GPC6: variants seen among roughly 807,000 people sequenced by gnomAD.
The protein encoded by GPC6 is glypican-6.
In GPC6, 14 loss-of-function variants were observed where a neutral mutation model predicts 55.2. The observed-to-expected ratio is 0.25, with a 90% CI of 0.17 to 0.40. The LOEUF is 0.40. Among genes scored for constraint, GPC6 ranks in the 10% least tolerant of loss-of-function variants. The pLI is 1.00. For synonymous variants in GPC6, 278 were observed against 259.6 expected, an observed-to-expected ratio of 1.07 and a Z score of -0.68; for missense variants, 641 against 708.5, an observed-to-expected ratio of 0.90 and a Z score of 1.08.
intron 1 of GPC6, among the ~76,000 whole-genome samples, chr13:93,539,628 C>A (rs1169502064): frequency 1.3e-5 from 2 of 151,310 alleles, no homozygotes; most frequent in African/African-American, 4.9e-5. Flanking sequence ...GGAAGACTAG[C>A]ACAAGGATAA....
intron 1 of GPC6, among the ~76,000 whole-genome samples, chr13:93,432,266 CAACAGTGATG>C (rs902400858): frequency 6.6e-6 from 1 of 152,088 alleles, no homozygotes; most frequent in African/African-American, 2.4e-5. Flanking sequence ...AGGTAACGAG[CAACAGTGATG>C]AACAGATCCA....
intron 2 of GPC6, among the ~76,000 whole-genome samples, chr13:93,637,677 A>G (rs1879755091): frequency 6.6e-6 from 1 of 152,136 alleles, no homozygotes; most frequent in Non-Finnish European, 1.5e-5. Flanking sequence ...GTACAGTCAT[A>G]ATTAAATAAT....
At chr13:94,171,754 T>C (rs1390797572) in intron 4 of GPC6, among the ~76,000 whole-genome samples, 1 of 152,234 alleles carries the variant, frequency 6.6e-6, no homozygotes, top group Non-Finnish European at 1.5e-5. Flanking sequence ...TTTCATGGCA[T>C]GTAGCTGCAG....
At chr13:93,380,255 T>C (rs534660682) in intron 1 of GPC6, among the ~76,000 whole-genome samples, 176 of 152,216 alleles carry the variant, frequency 1.2e-3, no homozygotes, top group African/African-American at 4.0e-3. Flanking sequence ...AGGAGACCAA[T>C]AAAGACAGAA....
At chr13:93,761,005 G>T (rs1002753017) in intron 2 of GPC6, among the ~76,000 whole-genome samples, 1 of 152,194 alleles carries the variant, frequency 6.6e-6, no homozygotes, top group Non-Finnish European at 1.5e-5. Flanking sequence ...TTTACAGCAT[G>T]GGATCAGTCT....
At chr13:93,556,433 T>TA (rs1594264065) in intron 2 of GPC6, among the ~76,000 whole-genome samples, 1 of 144,526 alleles carries the variant, frequency 6.9e-6, no homozygotes, top group African/African-American at 2.5e-5. Flanking sequence ...TATATATATA[T>TA]TTTGGGGGTA....
At chr13:93,244,223 C>T (rs371822311) in intron 1 of GPC6, among the ~76,000 whole-genome samples, 91 of 152,312 alleles carry the variant, frequency 6.0e-4, no homozygotes, top group African/African-American at 2.0e-3. Flanking sequence ...GCTCCCATGC[C>T]TTTGACAAGG....
intron 1 of GPC6, among the ~76,000 whole-genome samples, chr13:93,492,434 G>A (rs945674584): frequency 1.2e-4 from 18 of 149,892 alleles, no homozygotes; most frequent in Non-Finnish European, 5.9e-5. Context: ...GAGACGATGG[G>A]GTTTTCTGGA....
At chr13:93,985,402 A>C (rs1237614083) in intron 3 of GPC6, among the ~76,000 whole-genome samples, 3 of 151,914 alleles carry the variant, frequency 2.0e-5, no homozygotes, top group African/African-American at 7.3e-5. Context: ...ACACCACTGC[A>C]CTCCAGCCCG....
At chr13:93,925,277 TA>T (rs1452883560) in intron 3 of GPC6, among the ~76,000 whole-genome samples, 5 of 151,992 alleles carry the variant, frequency 3.3e-5, no homozygotes, top group African/African-American at 9.7e-5. Context: ...AAGTCTTTTC[TA>T]TTTTTTTTTA....
intron 2 of GPC6, among the ~76,000 whole-genome samples, chr13:93,608,125 G>A (rs1341840828): frequency 6.6e-6 from 1 of 151,968 alleles, no homozygotes; most frequent in Non-Finnish European, 1.5e-5. Context: ...TAGCCCATTA[G>A]CCTCAGAAGG....
chr13:93,502,801 C>T (rs143965764), intron 1 of GPC6, among the ~76,000 whole-genome samples: 1,842 of 152,134 alleles, frequency 0.012, 38 homozygotes, highest in African/African-American at 0.037. Context: ...GCTCCTACCA[C>T]GGTTAGCTTC....
At chr13:94,095,628 G>C (rs369746071) in intron 4 of GPC6, among the ~76,000 whole-genome samples, 11 of 152,274 alleles carry the variant, frequency 7.2e-5, no homozygotes, top group African/African-American at 2.6e-4. Flanking sequence ...GCTACTGACT[G>C]ACTTGTTGAA....
intron 6 of GPC6, 32 bp from the exon 7 acceptor site, chr13:94,382,382 T>C: frequency 6.2e-7 from 1 of 1,613,330 alleles, no homozygotes; most frequent in Non-Finnish European, 8.5e-7. Context: ...CTGAGCAGAA[T>C]ACTCACTTGC....
At chr13:94,201,871 C>A (rs1889761122) in intron 4 of GPC6, among the ~76,000 whole-genome samples, 1 of 152,116 alleles carries the variant, frequency 6.6e-6, no homozygotes, top group Admixed American at 6.6e-5. Flanking sequence ...ATCGCTTGAA[C>A]CTGGGAGGTG....
chr13:93,943,566 G>C (rs7985851), intron 3 of GPC6, among the ~76,000 whole-genome samples: 127,761 of 152,050 alleles, frequency 0.84, 53,736 homozygotes, highest in South Asian at 0.9. Context: ...TTTATCTACT[G>C]TCTCATGCCT....
At chr13:93,828,443 CTT>C (rs943136559) in intron 2 of GPC6, among the ~76,000 whole-genome samples, 1 of 151,842 alleles carries the variant, frequency 6.6e-6, no homozygotes, top group Non-Finnish European at 1.5e-5. Context: ...ATGAAATTCT[CTT>C]GATTTCCTAA....
chr13:93,617,287 GTTTC>G (rs1878762581), intron 2 of GPC6, among the ~76,000 whole-genome samples: 3 of 152,054 alleles, frequency 2.0e-5, no homozygotes, highest in Non-Finnish European at 4.4e-5. Context: ...GAGTTTTCCA[GTTTC>G]TTTATTTAGT....
intron 3 of GPC6, among the ~76,000 whole-genome samples, chr13:93,886,663 C>G (rs996435102): frequency 6.6e-6 from 1 of 151,650 alleles, no homozygotes; most frequent in African/African-American, 2.4e-5. Flanking sequence ...ATGTGACTTT[C>G]GGCCTCTTTT....
Sources: gnomAD v4.1 joint callset for allele counts (sites outside exome capture counted in the v4.1 genomes callset) on GRCh38, gnomAD v4.1.1 for gene constraint, MANE v1.5 for transcripts, NCBI Gene and HGNC (gene_info 2026-07-23, HGNC 2026-07-21) for gene names.